Variants in PLEKHA7 observed in about 807,000 individuals in gnomAD.
PLEKHA7 encodes the protein pleckstrin homology domain-containing family A member 7.
In PLEKHA7, 104 loss-of-function variants were observed where a neutral mutation model predicts 170.0. The observed-to-expected ratio is 0.61, with a 90% CI of 0.52 to 0.72. The LOEUF (loss-of-function observed/expected upper bound fraction) is 0.72. Ranked by LOEUF, PLEKHA7 falls within the 30% of genes least tolerant of loss-of-function variation. The pLI, the probability that PLEKHA7 is intolerant of heterozygous loss-of-function variation, is 0.00. For synonymous variants in PLEKHA7, 648 were observed against 660.8 expected, an observed-to-expected ratio of 0.98 and a Z score of 0.30; for missense variants, 1,615 against 1,671.7, an observed-to-expected ratio of 0.97 and a Z score of 0.59.
chr11:16,790,816 G>T lies in PLEKHA7; in HGVS notation c.3034C>A (p.Gln1012Lys). The T allele has an allele frequency of 6.2e-7, 1 of 1,608,944 alleles. No individual in the cohort carries two copies. Among genetic ancestry groups the T allele is most frequent in the South Asian group, 1.1e-5 (1 of 90,146 alleles). Residue 1012 changes from glutamine (Q) to lysine (K), a missense_variant, in exon 21 of 27, where the codon CAG (glutamine) becomes AAG (lysine). Gln to Lys is a moderately conservative substitution (Grantham distance 53). Transcript: ENST00000531066. Reference sequence around the variant, plus strand: ...GCCTTACCTCTGCCTGGCAGCGTCTGGTACCTGCTCTCAGGGCCCACAAGT... The same window carrying T: ...GCCTTACCTCTGCCTGGCAGCGTCTTGTACCTGCTCTCAGGGCCCACAAGT... Reference protein sequence around the residue: ...LGLVGPESRYQTLPGRGLSGS... With the variant: ...LGLVGPESRYKTLPGRGLSGS...
intron 12 of PLEKHA7, among the ~76,000 whole-genome samples, chr11:16,814,103 C>A (rs1849572013): frequency 6.6e-6 from 1 of 152,178 alleles, no homozygotes; most frequent in Admixed American, 6.5e-5. Context: ...TGAGGCAGGG[C>A]TCTTATGCAT....
chr11:16,981,322 C>T (rs1863412941), intron 3 of PLEKHA7, among the ~76,000 whole-genome samples: 1 of 152,152 alleles, frequency 6.6e-6, no homozygotes, highest in Admixed American at 6.5e-5. Flanking sequence ...GTATTATCCC[C>T]AATTTACACA....
intron 3 of PLEKHA7, among the ~76,000 whole-genome samples, chr11:16,893,131 C>T (rs572513679): frequency 7.9e-5 from 12 of 152,266 alleles, no homozygotes; most frequent in Non-Finnish European, 1.2e-4. Context: ...TTATCTCTAA[C>T]GGTTATGTCA....
At chr11:16,801,121 C>G (rs1041342648) in intron 16 of PLEKHA7, 46 bp from the exon 17 acceptor site, 1 of 1,528,340 alleles carries the variant, frequency 6.5e-7, no homozygotes, top group Non-Finnish European at 9.1e-7. Context: ...TCCCCTGCCC[C>G]CTTGGAAGGC....
At chr11:16,850,681 G>T (rs529011679) in intron 8 of PLEKHA7, among the ~76,000 whole-genome samples, 10 of 152,146 alleles carry the variant, frequency 6.6e-5, no homozygotes, top group African/African-American at 2.4e-4. Flanking sequence ...ACTGGTAAAG[G>T]GATCTGCCTG....
Position 16,803,274 on chromosome 11 carries a change from T to C in PLEKHA7, c.2029A>G (p.Lys677Glu). 1.2e-6 allele frequency: 2 copies of C among 1,613,832 alleles called. No individual in the cohort carries two copies. Among genetic ancestry groups the C allele is most frequent in the Non-Finnish European group, 1.7e-6 (2 of 1,179,694 alleles). Residue 677 changes from lysine (K) to glutamate (E), a missense_variant, in exon 14 of 27, where the codon AAG becomes GAG. Transcript: ENST00000531066. ...TTCACAGGCTTCAGACTTCGATCCT[T>C]GAGAAGGTCCCGGCCTGTCATCTGG... is the stretch of plus-strand genomic sequence containing the variant. ...DLKMTGRDLL[K>E]DRSLKPVKIA...
intron 3 of PLEKHA7, among the ~76,000 whole-genome samples, chr11:16,947,094 C>T (rs1861077428): frequency 6.6e-6 from 1 of 152,200 alleles, no homozygotes; most frequent in Admixed American, 6.5e-5. Flanking sequence ...TTCATGACCA[C>T]TGACTAGGCT....
At chr11:17,009,304 A>G (rs1279494570) in intron 3 of PLEKHA7, among the ~76,000 whole-genome samples, 1 of 152,188 alleles carries the variant, frequency 6.6e-6, no homozygotes, top group Non-Finnish European at 1.5e-5. Context: ...AGGGGCTGCT[A>G]TAAGGATCAA....
intron 3 of PLEKHA7, among the ~76,000 whole-genome samples, chr11:16,888,756 A>T (rs1004841253): frequency 5.3e-5 from 8 of 152,240 alleles, no homozygotes; most frequent in African/African-American, 1.2e-4. Flanking sequence ...ACCCTTGTTC[A>T]CTTGTTTATC....
Position 16,871,253 on chromosome 11 carries a change from A to C in PLEKHA7, c.222-71T>G, listed in dbSNP as rs1590406799. 10 of 1,218,802 alleles carry C rather than the reference A, an allele frequency of 8.2e-6. No homozygotes were observed. The East Asian group carries it at 2.4e-4, about 29-fold the overall frequency. The allele number at this position is 1,218,802 out of a possible 1,614,324, so 75.5% of individuals were successfully genotyped here. A position where few individuals can be genotyped will look rare whatever the true frequency, so the allele number is the denominator to read the frequency against. Reference sequence around the variant, plus strand: ...GGAGTACAGACACGACAGGTCAGTCAGCAATGTCTGGTGACCCTGGTCATC... The same window carrying C: ...GGAGTACAGACACGACAGGTCAGTCCGCAATGTCTGGTGACCCTGGTCATC... On this transcript the variant is annotated intron_variant, in intron 3 of 26. Coordinates refer to ENST00000531066, the MANE Select transcript of PLEKHA7 (RefSeq NM_001329630.2).
At position 16,841,780 on chromosome 11, in the gene PLEKHA7, G is replaced by C; in HGVS notation, c.697-58C>G. 2.6e-6 allele frequency: 4 copies of C among 1,551,926 alleles called. No individual in the cohort carries two copies. In the Admixed American group the frequency reaches 7.2e-5, roughly 28 times the overall value. On this transcript the variant is annotated intron_variant, in intron 8 of 26. Coordinates refer to ENST00000531066, the MANE Select transcript of PLEKHA7 (RefSeq NM_001329630.2). ...GAGGTTATCACACATTTCCTTTATA[G>C]GAGCAAAAGCAAGGAGGCACTATGG...
chr11:16,782,851 C>T lies in PLEKHA7; in HGVS notation c.3696G>A (p.Val1232=). The change falls in exon 26 of 27, where the codon GTG becomes GTA. Residue 1232 remains valine, a synonymous_variant. Coordinates refer to ENST00000531066, the MANE Select transcript of PLEKHA7 (RefSeq NM_001329630.2). ...CCTGCAGCTGCAAGTCCAGGTCAGCCACACTGTTCTGGTCCTGGCCTGAGG... is the reference window on the plus strand; with the variant it reads ...CCTGCAGCTGCAAGTCCAGGTCAGCTACACTGTTCTGGTCCTGGCCTGAGG... ...QPTSGQDQNS[V]ADLDLQLQEQ... is the part of the protein sequence containing the mutation. The T allele has an allele frequency of 1.3e-6, 2 of 1,536,180 alleles. No individual in the cohort carries two copies. Among genetic ancestry groups the T allele is most frequent in the Non-Finnish European group, 1.7e-6 (2 of 1,146,916 alleles).
At chr11:16,869,204 C>G (rs181868647) in intron 4 of PLEKHA7, among the ~76,000 whole-genome samples, 1 of 152,328 alleles carries the variant, frequency 6.6e-6, no homozygotes, top group Admixed American at 6.5e-5. Context: ...TCCACTCACT[C>G]TCTTTACTAG....
chr11:16,826,432 T>C lies in PLEKHA7; in HGVS notation c.1031A>G (p.Gln344Arg). Residue 344 changes from glutamine to arginine, a missense_variant, in exon 10 of 27, where the codon CAG (glutamine) becomes CGG (arginine). Physicochemically the swap from Gln to Arg is conservative, Grantham distance 43. Coordinates refer to ENST00000531066, the MANE Select transcript of PLEKHA7 (RefSeq NM_001329630.2). Reference sequence around the variant, plus strand: ...CAGTGGGTCCCTCTGGGAACGGTACTGCTCTCCCTCCTGCTCCTGCCTCTC... The same window carrying C: ...CAGTGGGTCCCTCTGGGAACGGTACCGCTCTCCCTCCTGCTCCTGCCTCTC... ...NFERQEQEGE[Q>R]YRSQRDPLEG... 6.2e-7 allele frequency: 1 copy of C among 1,614,252 alleles called. No homozygotes were observed. The highest frequency in any genetic ancestry group is 8.5e-7 in the Non-Finnish European group (1 of 1,180,044).
intron 17 of PLEKHA7, among the ~76,000 whole-genome samples, chr11:16,795,512 T>A (rs1298568415): frequency 6.6e-6 from 1 of 152,032 alleles, no homozygotes; most frequent in Non-Finnish European, 1.5e-5. Flanking sequence ...TCAAGATGAG[T>A]CGGGTGCAAT....
At chr11:16,891,319 G>T (rs927837095) in intron 3 of PLEKHA7, among the ~76,000 whole-genome samples, 7 of 152,142 alleles carry the variant, frequency 4.6e-5, no homozygotes, top group Non-Finnish European at 1.5e-5. Flanking sequence ...TATACAAAGG[G>T]TAGAGAGCCA....
intron 12 of PLEKHA7, 42 bp downstream of exon 12, chr11:16,816,136 T>G (rs1028709399): frequency 3.0e-4 from 450 of 1,493,258 alleles, no homozygotes; most frequent in Non-Finnish European, 3.8e-4. Context: ...AAAATGTTGA[T>G]GAGATAGGGC....
chr11:16,975,691 C>T (rs1233245726), intron 3 of PLEKHA7, among the ~76,000 whole-genome samples: 2 of 152,218 alleles, frequency 1.3e-5, no homozygotes, highest in African/African-American at 2.4e-5. Flanking sequence ...CATATAAATA[C>T]ATAGATACAC....
intron 3 of PLEKHA7, among the ~76,000 whole-genome samples, chr11:16,960,645 A>C (rs1862000838): frequency 6.6e-6 from 1 of 152,140 alleles, no homozygotes. Flanking sequence ...ACTGCAGGGC[A>C]AAGAGGAGAA....
Sources: gnomAD v4.1 joint callset for allele counts (sites outside exome capture counted in the v4.1 genomes callset) on GRCh38, gnomAD v4.1.1 for gene constraint, MANE v1.5 for transcripts, NCBI Gene and HGNC (gene_info 2026-07-23, HGNC 2026-07-21) for gene names.